ASB12: variants seen among roughly 807,000 people sequenced by gnomAD.
ASB12 encodes the protein ankyrin repeat and SOCS box containing 12, also known as ankyrin repeat and SOCS box protein 12.
In ASB12, 17 loss-of-function variants were observed where a neutral mutation model predicts 13.7. The ratio of observed to expected loss-of-function variants is 1.24; its 90% CI spans 0.85 to 1.86. The LOEUF (loss-of-function observed/expected upper bound fraction) is 1.86. Ranked by LOEUF, ASB12 falls within the 40% of genes most tolerant of loss-of-function variation. The probability of loss-of-function intolerance (pLI) is 0.00; values close to 1 mark genes in which losing one functional copy is unlikely to be tolerated. For synonymous variants in ASB12, 107 were observed against 99.8 expected (o/e 1.07, Z -0.43); for missense variants, 329 against 250.5 (o/e 1.31, Z -2.11).
rs1240683571 is a variant in ASB12 at position 64,225,736 on chromosome X, C to T, written c.-24-62G>A. The T allele has an allele frequency of 9.3e-6, 10 of 1,076,446 alleles. No individual in the cohort carries two copies. The Admixed American group carries it at 2.4e-4, about 26-fold the overall frequency. The allele number at this position is 1,076,446 out of a possible 1,213,427, so 88.7% of individuals were successfully genotyped here. On this transcript the variant is annotated intron_variant, in intron 1 of 2. Transcript: ENST00000362002. The stretch of plus-strand genomic sequence containing the variant: ...CCCATCAAAAGCCTGACCATGCACG[C>T]TCCTTGAAATCTCCCTCCATTTCAC...
intron 1 of ASB12, among the ~76,000 whole-genome samples, chrX:64,228,365 A>T (rs1163827780): frequency 1.8e-5 from 2 of 112,271 alleles, no homozygotes; most frequent in African/African-American, 3.2e-5. Flanking sequence ...ACTGTATTGT[A>T]ACTTCTATAT....
In ASB12 at chrX:64,224,863, T is replaced by A. The variant is rs778652946; in HGVS notation, c.788A>T (p.Asp263Val). The change falls in exon 2 of 3, where the codon GAT becomes GTT. Residue 263 changes from aspartate (D) to valine (V), a missense_variant. Physicochemically the swap from Asp to Val is radical, Grantham distance 152 (BLOSUM62 -3). Coordinates refer to ENST00000362002, the MANE Select transcript of ASB12 (RefSeq NM_130388.4). ...PSLSLDLTSQ[D>V]DKGIALLLQA... ...TAGCAGCAATGCAATGCCTTTATCA[T>A]CTTGTGAGGTCAGGTCAAGGGAGAG... 1.7e-6 allele frequency: 2 copies of A among 1,195,865 alleles called. No homozygotes were observed. The highest frequency in any genetic ancestry group is 2.3e-6 in the Non-Finnish European group (2 of 886,225).
intron 1 of ASB12, among the ~76,000 whole-genome samples, chrX:64,226,048 C>G (rs940880885): frequency 7.1e-5 from 8 of 112,575 alleles, no homozygotes; most frequent in Non-Finnish European, 1.5e-4. Flanking sequence ...GGGCAAGGAC[C>G]CTGTATTCAT....
rs1230068670 is a variant in ASB12, at chrX:64,229,315, A to AT, written c.-25+1147dup. On this transcript the variant is annotated intron_variant, in intron 1 of 2. Transcript: ENST00000362002. Reference sequence around the variant, plus strand: ...ATACCAAGAGCCCACAGCAGAGCTCATATAATGAGCCTCCAGAGGGAGACC... The same window carrying AT: ...ATACCAAGAGCCCACAGCAGAGCTCATTATAATGAGCCTCCAGAGGGAGACC... Among the ~76,000 whole-genome samples the AT allele has an allele frequency of 3.6e-5, 4 of 112,079 alleles. No homozygotes were observed. The South Asian group carries it at 1.5e-3, about 42-fold the overall frequency.
intron 1 of ASB12, chrX:64,226,708 C>T (rs2147104529): frequency 2.7e-6 from 2 of 754,187 alleles, no homozygotes; most frequent in Non-Finnish European, 3.1e-6. Context: ...CAACCTCTGA[C>T]CTTACCAGTG....
At chrX:64,226,461 G>A (rs1461375492) in intron 1 of ASB12, among the ~76,000 whole-genome samples, 3 of 111,953 alleles carry the variant, frequency 2.7e-5, no homozygotes, top group Non-Finnish European at 5.6e-5. Context: ...ACAGATGGCA[G>A]GAAACAGTCG....
rs1931040470 is a variant in ASB12, at chrX:64,230,598, T to C, written c.-160A>G. On this transcript the variant is annotated 5_prime_UTR_variant, in exon 1 of 3. Coordinates refer to ENST00000362002, the MANE Select transcript of ASB12 (RefSeq NM_130388.4). ...AGCAGCTGGGGCTCTCGTTTCCCAC[T>C]GTTAACAATGCCGTTGAAAGACTAG... 1 of 111,748 alleles carries C rather than the reference T, an allele frequency of 8.9e-6. No homozygotes were observed. The allele number at this position is 111,748 out of a possible 1,213,427, so 9.2% of individuals were successfully genotyped here. A position where few individuals can be genotyped will look rare whatever the true frequency, so the allele number is the denominator to read the frequency against.
At chrX:64,230,229 C>T (rs192074016) in intron 1 of ASB12, among the ~76,000 whole-genome samples, 1,117 of 111,159 alleles carry the variant, frequency 0.01, 5 homozygotes, top group Non-Finnish European at 0.017. Context: ...TCTGTTTAGA[C>T]CCGAGGTCCT....
At chrX:64,227,839 T>G (rs1930977266) in intron 1 of ASB12, among the ~76,000 whole-genome samples, 1 of 111,648 alleles carries the variant, frequency 9.0e-6, no homozygotes, top group Admixed American at 9.5e-5. Flanking sequence ...CTCCTGTCAA[T>G]GCTCTTGCCT....
intron 1 of ASB12, chrX:64,226,821 A>T: frequency 1.6e-6 from 1 of 638,094 alleles, no homozygotes; most frequent in Middle Eastern, 9.6e-4. Flanking sequence ...CCTGCAGCTG[A>T]GGTCTCAGGA....
chrX:64,229,584 A>G (rs1931016595), intron 1 of ASB12, among the ~76,000 whole-genome samples: 1 of 112,489 alleles, frequency 8.9e-6, no homozygotes, highest in Non-Finnish European at 1.9e-5. Context: ...AACACCTTTC[A>G]GAATGGTTTT....
chrX:64,226,900 C>T (rs1930960422), intron 1 of ASB12: 2 of 264,335 alleles, frequency 7.6e-6, no homozygotes, highest in Admixed American at 9.4e-5. Context: ...CAGGTACCTA[C>T]CTCATAGAAA....
Position 64,225,077 on chromosome X carries a change from C to T in ASB12, c.574G>A (p.Gly192Arg), listed in dbSNP as rs746704997. 3.2e-5 allele frequency: 39 copies of T among 1,211,251 alleles called. No homozygotes were observed. The highest frequency in any genetic ancestry group is 4.1e-5 in the Non-Finnish European group (37 of 895,400). Residue 192 changes from glycine to arginine, a missense_variant, in exon 2 of 3, where the codon GGG becomes AGG. Transcript: ENST00000362002. ...SGPLYLAAVY[G>R]HLDCFRLLLL... ...AGCAGGCGGAAACAGTCCAGGTGCC[C>T]GTAGACTGCGGCCAAATAGAGGGGG...
Position 64,224,257 on chromosome X carries a change from A to T in ASB12, c.*78T>A. The T allele has an allele frequency of 3.7e-6, 4 of 1,073,600 alleles. No homozygotes were observed. Among genetic ancestry groups the T allele is most frequent in the Non-Finnish European group, 5.1e-6 (4 of 777,407 alleles). The allele number at this position is 1,073,600 out of a possible 1,213,427, so 88.5% of individuals were successfully genotyped here. A position where few individuals can be genotyped will look rare whatever the true frequency, so the allele number is the denominator to read the frequency against. On this transcript the variant is annotated 3_prime_UTR_variant, in exon 3 of 3. Coordinates refer to ENST00000362002, the MANE Select transcript of ASB12 (RefSeq NM_130388.4). ...GAGAGCAGCTCCAGGTAAGTGGATG[A>T]GGCTGTAATGCTCTCCAGCTACGTG...
In ASB12 at chrX:64,224,472, CA is replaced by C. The variant is rs1930888949; in HGVS notation, c.824-5del. ...GATAGAAGTGACCGTGGAGTGGCTACAGCAAGAAGAAACAGGTCATGAGGAG... is the reference window on the plus strand; with the variant it reads ...GATAGAAGTGACCGTGGAGTGGCTACGCAAGAAGAAACAGGTCATGAGGAG... On this transcript the variant is annotated splice_region_variant and splice_polypyrimidine_tract_variant and intron_variant, in intron 2 of 2. Coordinates refer to ENST00000362002, the MANE Select transcript of ASB12 (RefSeq NM_130388.4). The C allele has an allele frequency of 1.7e-6, 2 of 1,207,501 alleles. No individual in the cohort carries two copies. The highest frequency in any genetic ancestry group is 2.3e-4 in the Middle Eastern group (1 of 4,284).
chrX:64,226,788 T>G, intron 1 of ASB12: 2 of 742,661 alleles, frequency 2.7e-6, no homozygotes, highest in Non-Finnish European at 3.2e-6. Context: ...TCTCAGAGCT[T>G]AAGTTCCCCT....
At chrX:64,229,159 T>C (rs923573471) in intron 1 of ASB12, among the ~76,000 whole-genome samples, 1 of 111,946 alleles carries the variant, frequency 8.9e-6, no homozygotes, top group Admixed American at 9.5e-5. Flanking sequence ...AATGGAAGGT[T>C]CCTTTACAAA....
At position 64,230,541 on chromosome X, in the gene ASB12, C is replaced by G. The variant is rs1293384164; in HGVS notation, c.-103G>C. 8.9e-6 allele frequency: 1 copy of G among 111,905 alleles called. No homozygotes were observed. The highest frequency in any genetic ancestry group is 9.4e-5 in the Admixed American group (1 of 10,643). 9.2% of individuals were successfully genotyped at this position (111,905 alleles called of 1,213,427 possible). A position where few individuals can be genotyped will look rare whatever the true frequency, so the allele number is the denominator to read the frequency against. ...TGAAACATTGGGGCCCTGGTGTCCCCTCCTTAGGGAGCCCCCACGGCCCCA... is the reference window on the plus strand; with the variant it reads ...TGAAACATTGGGGCCCTGGTGTCCCGTCCTTAGGGAGCCCCCACGGCCCCA... On this transcript the variant is annotated 5_prime_UTR_variant, in exon 1 of 3. Transcript: ENST00000362002.
intron 2 of ASB12, 93 bp downstream of exon 2, chrX:64,224,735 C>T (rs767871746): frequency 1.9e-5 from 20 of 1,040,526 alleles, no homozygotes; most frequent in Non-Finnish European, 2.5e-5. Context: ...GGAGTTTTCT[C>T]CAGTGCACCT....
Sources: gnomAD v4.1 joint callset for allele counts (sites outside exome capture counted in the v4.1 genomes callset) on GRCh38, gnomAD v4.1.1 for gene constraint, MANE v1.5 for transcripts, NCBI Gene and HGNC (gene_info 2026-07-23, HGNC 2026-07-21) for gene names.